Variants in ZNF704 observed in about 807,000 individuals in gnomAD.
ZNF704 encodes the protein glucocorticoid induced gene 1.
In ZNF704, 10 loss-of-function variants were observed where a neutral mutation model predicts 44.7. The ratio of observed to expected loss-of-function variants is 0.22; its 90% confidence interval spans 0.14 to 0.38. The LOEUF is 0.38. ZNF704 is among the 10% of genes least tolerant of loss of function. The pLI, the probability that ZNF704 is intolerant of heterozygous loss-of-function variation, is 1.00. For synonymous variants in ZNF704, 211 were observed against 207.6 expected (o/e 1.02, Z -0.14); for missense variants, 390 against 545.5 (o/e 0.71, Z 2.84).
intron 4 of ZNF704, among the ~76,000 whole-genome samples, chr8:80,682,128 G>A (rs1018762960): frequency 6.6e-6 from 1 of 152,194 alleles, no homozygotes; most frequent in Non-Finnish European, 1.5e-5. Context: ...AAATTAGTGG[G>A]TTAGGAATTA....
chr8:80,813,662 G>A (rs1462940061), intron 2 of ZNF704, among the ~76,000 whole-genome samples: 1 of 152,120 alleles, frequency 6.6e-6, no homozygotes, highest in Non-Finnish European at 1.5e-5. Flanking sequence ...CAGATCATGA[G>A]GTCAGGAGAT....
rs775323875 is a variant in ZNF704, at chr8:80,632,450, C to G, written c.*8916G>C. The stretch of plus-strand genomic sequence containing the variant: ...AAGTGATCCATCTGCCTTGGACTCC[C>G]AAAGTGCTGGGATTATAGGCGTGAA... On this transcript the variant is annotated 3_prime_UTR_variant, in exon 9 of 9. Transcript: ENST00000327835. 2 of 152,206 alleles carry G rather than the reference C, an allele frequency of 1.3e-5. No individual in the cohort carries two copies. Among genetic ancestry groups the G allele is most frequent in the Non-Finnish European group, 2.9e-5 (2 of 68,058 alleles). 9.4% of individuals were successfully genotyped at this position (152,206 alleles called of 1,614,324 possible). A position where few individuals can be genotyped will look rare whatever the true frequency, so the allele number is the denominator to read the frequency against.
chr8:80,659,714 C>G (rs1473427748), intron 6 of ZNF704, 25 bp from the exon 7 acceptor site: 2 of 1,605,360 alleles, frequency 1.2e-6, no homozygotes, highest in East Asian at 4.5e-5. Flanking sequence ...ACAGAGAAAG[C>G]TGTTATGAAG....
chr8:80,837,679 C>T (rs939598572), intron 1 of ZNF704, among the ~76,000 whole-genome samples: 1 of 152,154 alleles, frequency 6.6e-6, no homozygotes, highest in Non-Finnish European at 1.5e-5. Context: ...ATAATAAACA[C>T]CAACTTTACT....
chr8:80,804,086 A>G (rs912470290), intron 2 of ZNF704, among the ~76,000 whole-genome samples: 2 of 152,184 alleles, frequency 1.3e-5, no homozygotes, highest in South Asian at 2.1e-4. Flanking sequence ...AAAAACCTCA[A>G]CATCACTGAT....
intron 2 of ZNF704, among the ~76,000 whole-genome samples, chr8:80,761,906 G>C (rs73692131): frequency 0.01 from 1,597 of 152,324 alleles, 23 homozygotes; most frequent in African/African-American, 0.036. Context: ...CTTTTGATGA[G>C]ATCTGTTAAT....
chr8:80,738,458 CGTT>C (rs1806701528), intron 2 of ZNF704, among the ~76,000 whole-genome samples: 1 of 152,148 alleles, frequency 6.6e-6, no homozygotes, highest in Non-Finnish European at 1.5e-5. Context: ...TAAGGACTAT[CGTT>C]GTTCCTACTT....
At chr8:80,837,105 T>C (rs1370432928) in intron 1 of ZNF704, among the ~76,000 whole-genome samples, 1 of 152,146 alleles carries the variant, frequency 6.6e-6, no homozygotes, top group Admixed American at 6.5e-5. Context: ...GGAGGATAGA[T>C]GCCAAGTTCC....
intron 2 of ZNF704, among the ~76,000 whole-genome samples, chr8:80,743,191 CAAAAA>C (rs59886049): frequency 1.1e-4 from 4 of 35,832 alleles, no homozygotes; most frequent in Non-Finnish European, 1.6e-4. Context: ...CTTGCAACTG[CAAAAA>C]AAAAAAAAAA....
intron 2 of ZNF704, among the ~76,000 whole-genome samples, chr8:80,759,790 C>G (rs1341586860): frequency 6.6e-6 from 1 of 151,744 alleles, no homozygotes; most frequent in African/African-American, 2.4e-5. Context: ...GGATCTTGCT[C>G]TGTTTCCCAG....
At position 80,635,522 on chromosome 8, in the gene ZNF704, T is replaced by G. The variant is rs1249242125; in HGVS notation, c.*5844A>C. ...TAAACACTACTGATCACCTAAGAATTCTATCTTTGGGCCTGTCTACTATGA... is the reference window on the plus strand; with the variant it reads ...TAAACACTACTGATCACCTAAGAATGCTATCTTTGGGCCTGTCTACTATGA... On this transcript the variant is annotated 3_prime_UTR_variant, in exon 9 of 9. Coordinates refer to ENST00000327835, the MANE Select transcript of ZNF704 (RefSeq NM_001033723.3). The G allele has an allele frequency of 2.6e-5, 4 of 152,206 alleles. No individual in the cohort carries two copies. In the East Asian group the frequency reaches 7.7e-4, roughly 29 times the overall value. 9.4% of individuals were successfully genotyped at this position (152,206 alleles called of 1,614,324 possible).
intron 2 of ZNF704, chr8:80,749,537 CA>C (rs1205561970): frequency 1.3e-5 from 2 of 153,266 alleles, no homozygotes; most frequent in East Asian, 3.8e-4. Context: ...ACCAGAGCTG[CA>C]ACCTCTGATT....
chr8:80,847,283 A>G lies in ZNF704; in HGVS notation c.-21-25668T>C, dbSNP rs571269022. Reference sequence around the variant, plus strand: ...CAAATCTAACAAAGACATATTCAGGATCTACATCCTGAAAATTACAAATTG... The same window carrying G: ...CAAATCTAACAAAGACATATTCAGGGTCTACATCCTGAAAATTACAAATTG... On this transcript the variant is annotated intron_variant, in intron 1 of 8. Transcript: ENST00000327835. Among the ~76,000 whole-genome samples, 3 of 152,340 alleles carry G rather than the reference A, an allele frequency of 2.0e-5. No individual in the cohort carries two copies. In the South Asian group the frequency reaches 6.2e-4, roughly 32 times the overall value.
chr8:80,638,626 T>C lies in ZNF704; in HGVS notation c.*2740A>G, dbSNP rs995302907. On this transcript the variant is annotated 3_prime_UTR_variant, in exon 9 of 9. Coordinates refer to ENST00000327835, the MANE Select transcript of ZNF704 (RefSeq NM_001033723.3). ...ACCCTAACTTGCACGATCAGTGGTG[T>C]ATATTGGAATTCATAGCTTTCTGGG... 1 of 152,296 alleles carries C rather than the reference T, an allele frequency of 6.6e-6. No homozygotes were observed. Among genetic ancestry groups the C allele is most frequent in the Admixed American group, 6.6e-5 (1 of 15,256 alleles). 9.4% of individuals were successfully genotyped at this position (152,296 alleles called of 1,614,324 possible). A position where few individuals can be genotyped will look rare whatever the true frequency, so the allele number is the denominator to read the frequency against.
At chr8:80,672,899 C>T (rs1047256894) in intron 4 of ZNF704, among the ~76,000 whole-genome samples, 3 of 151,630 alleles carry the variant, frequency 2.0e-5, no homozygotes, top group Non-Finnish European at 4.4e-5. Context: ...GCATAGGTAC[C>T]CTGAATCTAA....
intron 1 of ZNF704, among the ~76,000 whole-genome samples, chr8:80,828,073 G>A (rs1218833347): frequency 6.6e-6 from 1 of 152,186 alleles, no homozygotes; most frequent in Admixed American, 6.5e-5. Context: ...AGCCATAATT[G>A]ACAAATGGGA....
intron 2 of ZNF704, among the ~76,000 whole-genome samples, chr8:80,816,335 T>C (rs1374473820): frequency 1.3e-5 from 2 of 152,216 alleles, no homozygotes; most frequent in Non-Finnish European, 2.9e-5. Flanking sequence ...ACACAATCAG[T>C]ATAGCTCAAC....
intron 4 of ZNF704, among the ~76,000 whole-genome samples, chr8:80,672,974 C>T (rs1020705330): frequency 5.9e-5 from 9 of 151,848 alleles, no homozygotes; most frequent in Admixed American, 3.9e-4. Flanking sequence ...CTCTAATTAA[C>T]GTAGTAAATA....
At chr8:80,822,174 G>A (rs891291196) in intron 1 of ZNF704, among the ~76,000 whole-genome samples, 20 of 152,154 alleles carry the variant, frequency 1.3e-4, no homozygotes, top group Admixed American at 9.2e-4. Context: ...ACAACGTGCA[G>A]GTTTGTTACA....
Sources: allele counts gnomAD v4.1 joint callset (sites outside exome capture counted in the v4.1 genomes callset), GRCh38; gene constraint gnomAD v4.1.1; transcripts MANE v1.5; gene names NCBI Gene and HGNC (gene_info 2026-07-23, HGNC 2026-07-21).